ANKRD17: variants seen among roughly 807,000 people sequenced by gnomAD.
ANKRD17 encodes the protein ankyrin repeat domain-containing protein 17.
Under a neutral mutation model 229.7 loss-of-function variants are expected in ANKRD17, and 19 were observed. The ratio of observed to expected loss-of-function variants is 0.08; its 90% CI spans 0.06 to 0.12. ANKRD17 has a LOEUF of 0.12. Ranked by LOEUF, ANKRD17 falls within the 10% of genes least tolerant of loss-of-function variation. The pLI is 1.00. For synonymous variants in ANKRD17, 1,112 were observed against 1,146.1 expected (o/e 0.97, Z 0.60); for missense variants, 2,176 against 3,176.8 (o/e 0.68, Z 7.57).
At chr4:73,147,125 CG>C (rs1229063890) in intron 9 of ANKRD17, 115 bp downstream of exon 9, 48 of 1,007,110 alleles carry the variant, frequency 4.8e-5, no homozygotes, top group African/African-American at 1.5e-4. Flanking sequence ...GTATATCACA[CG>C]TTTTTTTAAA....
rs545329498 is a variant in ANKRD17, at chr4:73,089,825, A to T, written c.6961+842T>A. Among the ~76,000 whole-genome samples, 7 of 152,296 alleles carry T rather than the reference A, an allele frequency of 4.6e-5. No homozygotes were observed. In the East Asian group the frequency reaches 1.2e-3, roughly 25 times the overall value. The stretch of plus-strand genomic sequence containing the variant: ...AAATGTTCTAGATCTTTGCTGTCCA[A>T]TATGGTAGCTACCAGCCACAAGTGT... On this transcript the variant is annotated intron_variant, in intron 29 of 33. Transcript: ENST00000358602.
intron 1 of ANKRD17, among the ~76,000 whole-genome samples, chr4:73,210,706 T>C (rs976527357): frequency 6.6e-6 from 1 of 152,164 alleles, no homozygotes. Context: ...GGGTATATTT[T>C]AGAAATGCTG....
intron 1 of ANKRD17, among the ~76,000 whole-genome samples, chr4:73,203,198 A>C (rs1738908866): frequency 6.6e-6 from 1 of 152,192 alleles, no homozygotes; most frequent in South Asian, 2.1e-4. Flanking sequence ...TTTAGTTTAC[A>C]GCTCCCCAAC....
At position 73,258,374 on chromosome 4, in the gene ANKRD17, CACCGCCGCCGCT is replaced by C; in HGVS notation, c.283_294del (p.Ser95_Gly98del). 1 of 1,601,222 alleles carries C rather than the reference CACCGCCGCCGCT, an allele frequency of 6.2e-7. No homozygotes were observed. Among genetic ancestry groups the C allele is most frequent in the Non-Finnish European group, 8.5e-7 (1 of 1,172,716 alleles). On this transcript the variant is annotated inframe_deletion, in exon 1 of 34. Coordinates refer to ENST00000358602, the MANE Select transcript of ANKRD17 (RefSeq NM_032217.5). The stretch of plus-strand genomic sequence containing the variant: ...CCACCTCCGCCTCCACCGCCGCCTC[CACCGCCGCCGCT>C]GTTGTCGCTGTCGCTGCTGCTTTCG...
chr4:73,245,414 G>A (rs765967615), intron 1 of ANKRD17, among the ~76,000 whole-genome samples: 1 of 152,188 alleles, frequency 6.6e-6, no homozygotes, highest in African/African-American at 2.4e-5. Flanking sequence ...TCTTAAAAGA[G>A]ATCAGGTTCT....
At chr4:73,214,481 T>C (rs55932174) in intron 1 of ANKRD17, among the ~76,000 whole-genome samples, 55,102 of 151,876 alleles carry the variant, frequency 0.36, 10,540 homozygotes, top group South Asian at 0.46. Flanking sequence ...ACTAAGATGG[T>C]TATTTGCCTG....
intron 14 of ANKRD17, among the ~76,000 whole-genome samples, chr4:73,140,883 G>A (rs987071770): frequency 6.6e-6 from 1 of 152,232 alleles, no homozygotes; most frequent in African/African-American, 2.4e-5. Context: ...TATCTGGCCA[G>A]TAGAGAATTG....
intron 1 of ANKRD17, among the ~76,000 whole-genome samples, chr4:73,186,572 A>G (rs1451082513): frequency 6.6e-6 from 1 of 152,158 alleles, no homozygotes; most frequent in African/African-American, 2.4e-5. Context: ...AATCAGTGAT[A>G]TAACAGTTAA....
Position 73,120,232 on chromosome 4 carries a change from A to G in ANKRD17, c.3955T>C (p.Ser1319Pro). Residue 1319 changes from serine (S) to proline (P), a missense_variant, in exon 21 of 34, where the codon TCA becomes CCA. Physicochemically the swap from Ser to Pro is moderately conservative, Grantham distance 74. Transcript: ENST00000358602. ...GCTATGGTTAAAGCTGTATCTCTTG[A>G]GGAGGGAACTGGAGGGGCATTAACA... The part of the protein sequence containing the change: ...ADVNAPPVPS[S>P]RDTALTIAAD... The G allele has an allele frequency of 6.2e-7, 1 of 1,614,088 alleles. No homozygotes were observed. Among genetic ancestry groups the G allele is most frequent in the Non-Finnish European group, 8.5e-7 (1 of 1,180,008 alleles).
At chr4:73,240,050 A>G (rs111719604) in intron 1 of ANKRD17, among the ~76,000 whole-genome samples, 41 of 152,316 alleles carry the variant, frequency 2.7e-4, no homozygotes, top group African/African-American at 8.9e-4. Context: ...ACAGTGAAAC[A>G]GTTCTTCAAA....
intron 1 of ANKRD17, among the ~76,000 whole-genome samples, chr4:73,202,557 A>G (rs952360367): frequency 3.3e-5 from 5 of 152,140 alleles, no homozygotes; most frequent in African/African-American, 1.2e-4. Context: ...CATTGAACAC[A>G]TAGGTATTTA....
chr4:73,076,882 T>C, intron 33 of ANKRD17, 58 bp downstream of exon 33: 2 of 1,533,736 alleles, frequency 1.3e-6, no homozygotes, highest in Non-Finnish European at 1.8e-6. Flanking sequence ...GAATCCTATT[T>C]GTCTTTGCAT....
chr4:73,199,047 C>A (rs916180168), intron 1 of ANKRD17, among the ~76,000 whole-genome samples: 1 of 152,174 alleles, frequency 6.6e-6, no homozygotes, highest in Admixed American at 6.5e-5. Context: ...TTTTCCCACT[C>A]TTCCCAATAC....
intron 29 of ANKRD17, among the ~76,000 whole-genome samples, chr4:73,089,062 T>G (rs1023647444): frequency 1.3e-5 from 2 of 151,396 alleles, no homozygotes; most frequent in African/African-American, 2.4e-5. Context: ...TTTTTTTTTT[T>G]GAGACAGGGT....
rs765813485 is a variant in ANKRD17 at position 73,091,122 on chromosome 4, G to C, written c.6506C>G (p.Pro2169Arg). Reference sequence around the variant, plus strand: ...AGCAGGGGTTTCCATTTTAGGAGTAGGCTGGGGGCATCCCATTGGTGTCTG... The same window carrying C: ...AGCAGGGGTTTCCATTTTAGGAGTACGCTGGGGGCATCCCATTGGTGTCTG... ...MPQTPMGCPQ[P>R]TPKMETPAIR... The change falls in exon 29 of 34, where the codon CCT (proline) becomes CGT (arginine). Residue 2169 changes from proline (P) to arginine (R), a missense_variant. Around this residue, in one of 18 missense-constraint regions of ANKRD17, gnomAD observed 424 missense variants for 454.0 expected, o/e 0.93. Transcript: ENST00000358602. 35 of 1,614,060 alleles carry C rather than the reference G, an allele frequency of 2.2e-5. No individual in the cohort carries two copies. Among genetic ancestry groups the C allele is most frequent in the Non-Finnish European group, 2.6e-5 (31 of 1,180,044 alleles).
In ANKRD17 at chr4:73,091,578, G is replaced by C; in HGVS notation, c.6050C>G (p.Ala2017Gly). 6.2e-7 allele frequency: 1 copy of C among 1,614,210 alleles called. No homozygotes were observed. ...NATTTTVTTT[A>G]SNNNTAPTNA... ...TGTGGGTGCAGTGTTGTTGTTGCTT[G>C]CCGTGGTTGTGACTGTTGTTGTGGT... Residue 2017 changes from alanine to glycine, a missense_variant, in exon 29 of 34, where the codon GCA (alanine) becomes GGA (glycine). By Grantham distance (60) the Ala-to-Gly change is moderately conservative. Coordinates refer to ENST00000358602, the MANE Select transcript of ANKRD17 (RefSeq NM_032217.5).
At chr4:73,181,786 G>A (rs996181114) in intron 1 of ANKRD17, among the ~76,000 whole-genome samples, 4 of 151,888 alleles carry the variant, frequency 2.6e-5, no homozygotes, top group South Asian at 2.1e-4. Flanking sequence ...GGTGGCTCAC[G>A]CCTGTAACCC....
chr4:73,183,215 G>A (rs1735813504), intron 1 of ANKRD17, among the ~76,000 whole-genome samples: 1 of 152,104 alleles, frequency 6.6e-6, no homozygotes, highest in African/African-American at 2.4e-5. Context: ...TATTCAAACA[G>A]GACAACTGTA....
Position 73,115,866 on chromosome 4 carries a change from T to C in ANKRD17, c.4239A>G (p.Pro1413=), listed in dbSNP as rs1203442070. Residue 1413 remains proline (P), a synonymous_variant, in exon 23 of 34, where the codon CCA becomes CCG. Coordinates refer to ENST00000358602, the MANE Select transcript of ANKRD17 (RefSeq NM_032217.5). ...TGTATCTCATACATTCAGAATCTGA[T>C]GGAAACTGATTGACTTCTTTGACTA... is the stretch of plus-strand genomic sequence containing the variant. The part of the protein sequence containing the change: ...RYLVKEVNQF[P]SDSECMRYIA... 6.2e-7 allele frequency: 1 copy of C among 1,613,520 alleles called. No individual in the cohort carries two copies. Among genetic ancestry groups the C allele is most frequent in the Admixed American group, 1.7e-5 (1 of 60,010 alleles).
Sources: gnomAD v4.1 joint callset for allele counts (sites outside exome capture counted in the v4.1 genomes callset) on GRCh38, gnomAD v4.1.1 for gene constraint, gnomAD v4.1.1 regional missense constraint, MANE v1.5 for transcripts, NCBI Gene and HGNC (gene_info 2026-07-23, HGNC 2026-07-21) for gene names.